MAOA: variants seen among roughly 807,000 people sequenced by gnomAD.
The protein encoded by MAOA is amine oxidase [flavin-containing] A.
In MAOA, 6 loss-of-function variants were observed where a neutral mutation model predicts 42.0. That is an observed-to-expected ratio of 0.14 (90% CI 0.08 to 0.28). The LOEUF is 0.28. Ranked by LOEUF, MAOA falls within the 10% of genes least tolerant of loss-of-function variation. The pLI, the probability that MAOA is intolerant of heterozygous loss-of-function variation, is 1.00. For missense variants in MAOA, 262 were observed against 422.3 expected, an observed-to-expected ratio of 0.62 and a Z score of 3.33; for synonymous variants, 140 against 154.0, an observed-to-expected ratio of 0.91 and a Z score of 0.67.
chrX:43,666,873 T>G (rs73633016), intron 1 of MAOA, among the ~76,000 whole-genome samples: 4,560 of 109,397 alleles, frequency 0.042, 272 homozygotes, highest in African/African-American at 0.15. Flanking sequence ...CCCATATACT[T>G]GCATGGCTCA....
chrX:43,697,930 C>T (rs1000406951), intron 3 of MAOA, among the ~76,000 whole-genome samples: 32 of 112,084 alleles, frequency 2.9e-4, no homozygotes, highest in African/African-American at 9.4e-4. Context: ...TTTAAAATAT[C>T]TTAACTCTCA....
chrX:43,660,387 C>G (rs913658698), intron 1 of MAOA, among the ~76,000 whole-genome samples: 1 of 110,581 alleles, frequency 9.0e-6, no homozygotes, highest in African/African-American at 3.3e-5. Flanking sequence ...ATCACCTTGC[C>G]CCTCTGCTCA....
chrX:43,656,239 G>A, upstream of MAOA: 2 of 723,365 alleles, frequency 2.8e-6, no homozygotes, highest in South Asian at 4.5e-5. Flanking sequence ...AAGAAGGATC[G>A]GCTCCGCCCC....
Position 43,728,183 on chromosome X carries a change from C to A in MAOA, c.514C>A (p.Arg172=). Residue 172 remains arginine, a synonymous_variant, in exon 6 of 15, where the codon CGG becomes AGG. Transcript: ENST00000338702. The part of the protein sequence containing the change: ...DKICWTKTAR[R]FAYLFVNINV... ...TTGTTCTATGAACAGGACTGCTAGG[C>A]GGTTTGCTTATCTTTTTGTGAATAT... 8.3e-7 allele frequency: 1 copy of A among 1,210,119 alleles called. No homozygotes were observed. The highest frequency in any genetic ancestry group is 1.1e-6 in the Non-Finnish European group (1 of 894,351).
Position 43,691,386 on chromosome X carries a change from T to A in MAOA, c.169-1905T>A, listed in dbSNP as rs1237235537. Reference sequence around the variant, plus strand: ...AAGACCCTGTCTCAAAAAAAAAAAATAAAAATAAAAAAGATGAAAATGAAG... The same window carrying A: ...AAGACCCTGTCTCAAAAAAAAAAAAAAAAAATAAAAAAGATGAAAATGAAG... On this transcript the variant is annotated intron_variant, in intron 2 of 14. Coordinates refer to ENST00000338702, the MANE Select transcript of MAOA (RefSeq NM_000240.4). Among the ~76,000 whole-genome samples the A allele has an allele frequency of 1.1e-4, 12 of 104,788 alleles. No homozygotes were observed. In the East Asian group the frequency reaches 3.6e-3, roughly 31 times the overall value. The allele number at this position is 104,788 out of a possible 115,157, so 91.0% of individuals were successfully genotyped here.
chrX:43,695,045 G>A (rs1362840272), intron 3 of MAOA, among the ~76,000 whole-genome samples: 1 of 112,097 alleles, frequency 8.9e-6, no homozygotes, highest in African/African-American at 3.2e-5. Flanking sequence ...GAAACCAGAA[G>A]TTCAAAGAGG....
Position 43,742,065 on chromosome X carries a change from C to A in MAOA, c.1262+18C>A. The A allele has an allele frequency of 8.3e-7, 1 of 1,210,838 alleles. No individual in the cohort carries two copies. Among genetic ancestry groups the A allele is most frequent in the South Asian group, 1.8e-5 (1 of 56,749 alleles). On this transcript the variant is annotated intron_variant, in intron 12 of 14. Transcript: ENST00000338702. ...TATGGAAGGTATTACGCAAGCACTA[C>A]GCCAATTAATCCAAGACCTGTGCCA...
intron 3 of MAOA, among the ~76,000 whole-genome samples, chrX:43,698,928 TTAC>T (rs1291089386): frequency 1.8e-5 from 2 of 111,666 alleles, no homozygotes; most frequent in Non-Finnish European, 3.8e-5. Flanking sequence ...CTAGATATTT[TTAC>T]ACTTGATCTT....
At chrX:43,742,104 A>G in intron 12 of MAOA, 57 bp downstream of exon 12, 1 of 1,202,877 alleles carries the variant, frequency 8.3e-7, no homozygotes, top group East Asian at 3.0e-5. Context: ...TTAAAAGGAA[A>G]AGCAGAGTTC....
chrX:43,727,505 C>A (rs972631672), intron 5 of MAOA, among the ~76,000 whole-genome samples: 1 of 112,275 alleles, frequency 8.9e-6, no homozygotes, highest in Non-Finnish European at 1.9e-5. Flanking sequence ...GGCAGATGCA[C>A]CTCTCCACAC....
In MAOA at chrX:43,746,083, A is replaced by G. The variant is rs2033997112; in HGVS notation, c.*1570A>G. ...AGTACATAAGGAGTTGCCGCATATT[A>G]TATCAGACTGCTTTGAGAAATCTCA... is the stretch of plus-strand genomic sequence containing the variant. On this transcript the variant is annotated 3_prime_UTR_variant, in exon 15 of 15. Transcript: ENST00000338702. 1 of 111,954 alleles carries G rather than the reference A, an allele frequency of 8.9e-6. No individual in the cohort carries two copies. Among genetic ancestry groups the G allele is most frequent in the African/African-American group, 3.2e-5 (1 of 30,801 alleles). 9.2% of individuals were successfully genotyped at this position (111,954 alleles called of 1,213,427 possible). A position where few individuals can be genotyped will look rare whatever the true frequency, so the allele number is the denominator to read the frequency against.
chrX:43,675,711 G>C (rs766840428), intron 1 of MAOA, among the ~76,000 whole-genome samples: 2 of 112,468 alleles, frequency 1.8e-5, no homozygotes, highest in East Asian at 5.6e-4. Flanking sequence ...GTCCACTCCA[G>C]ACCCTGTTTG....
At chrX:43,656,060 T>G, upstream of MAOA, 1 of 374,585 alleles carries the variant, frequency 2.7e-6, no homozygotes, top group Non-Finnish European at 4.7e-6. Context: ...ACAAGGACAT[T>G]CTAAACCTAA....
chrX:43,729,602 T>C (rs1442138996), intron 6 of MAOA, among the ~76,000 whole-genome samples: 1 of 111,468 alleles, frequency 9.0e-6, no homozygotes, highest in African/African-American at 3.3e-5. Flanking sequence ...GAAAGACAAA[T>C]CATGAATTTA....
chrX:43,655,921 A>G, upstream of MAOA: 1 of 184,525 alleles, frequency 5.4e-6, no homozygotes, highest in Non-Finnish European at 1.0e-5. Context: ...TGTCGCCACA[A>G]GCACCTCCTG....
chrX:43,688,203 C>T (rs935956635), intron 2 of MAOA, among the ~76,000 whole-genome samples: 91 of 112,731 alleles, frequency 8.1e-4, no homozygotes, highest in Non-Finnish European at 1.6e-3. Flanking sequence ...ATTGTTCCGG[C>T]CACTTTGGCC....
At chrX:43,682,870 C>T (rs779404637) in intron 1 of MAOA, among the ~76,000 whole-genome samples, 10 of 111,664 alleles carry the variant, frequency 9.0e-5, no homozygotes, top group Non-Finnish European at 1.9e-4. Flanking sequence ...TCTGGTATTA[C>T]TATGTTGGGT....
In MAOA at chrX:43,745,488, G is replaced by A. The variant is rs1329173393; in HGVS notation, c.*975G>A. ...TAGACATACCTCTCAACTTACATAT[G>A]TCTTCAACATGGTTACCTCTGCATA... On this transcript the variant is annotated 3_prime_UTR_variant, in exon 15 of 15. Transcript: ENST00000338702. 1 of 111,899 alleles carries A rather than the reference G, an allele frequency of 8.9e-6. No individual in the cohort carries two copies. The highest frequency in any genetic ancestry group is 1.9e-5 in the Non-Finnish European group (1 of 53,218). 9.2% of individuals were successfully genotyped at this position (111,899 alleles called of 1,213,427 possible). A position where few individuals can be genotyped will look rare whatever the true frequency, so the allele number is the denominator to read the frequency against.
chrX:43,695,407 C>G (rs1460782155), intron 3 of MAOA, among the ~76,000 whole-genome samples: 1 of 111,608 alleles, frequency 9.0e-6, no homozygotes, highest in Non-Finnish European at 1.9e-5. Context: ...AGCTAGGTAC[C>G]TGCTAGTCTC....
Sources: allele counts gnomAD v4.1 joint callset (sites outside exome capture counted in the v4.1 genomes callset), GRCh38; gene constraint gnomAD v4.1.1; transcripts MANE v1.5; gene names NCBI Gene and HGNC (gene_info 2026-07-23, HGNC 2026-07-21).